Variants in RPH3A observed in about 807,000 individuals in gnomAD.
RPH3A encodes the protein rabphilin-3A.
A neutral mutation model predicts 102.2 loss-of-function variants in RPH3A; 48 were observed. The ratio of observed to expected loss-of-function variants is 0.47; its 90% CI spans 0.37 to 0.60. The LOEUF is 0.60. Ranked by LOEUF, RPH3A falls within the 20% of genes least tolerant of loss-of-function variation. The pLI, the probability that RPH3A is intolerant of heterozygous loss-of-function variation, is 0.00. For missense variants in RPH3A, 781 were observed against 910.1 expected (o/e 0.86, Z 1.83); for synonymous variants, 310 against 324.3 (o/e 0.96, Z 0.47).
chr12:112,601,644 T>C (rs560537608), intron 1 of RPH3A, among the ~76,000 whole-genome samples: 1 of 152,304 alleles, frequency 6.6e-6, no homozygotes, highest in South Asian at 2.1e-4. Flanking sequence ...AAGTAGATTA[T>C]AAATAGACTG....
chr12:112,863,172 G>A (rs1199839941), intron 5 of RPH3A, among the ~76,000 whole-genome samples: 1 of 152,204 alleles, frequency 6.6e-6, no homozygotes, highest in East Asian at 1.9e-4. Context: ...CACCACCTGG[G>A]AGCTTTCTAG....
intron 1 of RPH3A, among the ~76,000 whole-genome samples, chr12:112,771,877 A>G (rs188546487): frequency 3.7e-4 from 57 of 152,358 alleles, no homozygotes; most frequent in Middle Eastern, 3.4e-3. Flanking sequence ...CTTTATAAGA[A>G]AATACAAAGA....
intron 1 of RPH3A, among the ~76,000 whole-genome samples, chr12:112,768,919 T>A (rs2040910004): frequency 3.9e-5 from 6 of 152,038 alleles, no homozygotes; most frequent in Admixed American, 3.9e-4. Context: ...CTCAAAAAAA[T>A]GAAATAGCAT....
At chr12:112,714,221 G>T (rs1487977222) in intron 1 of RPH3A, among the ~76,000 whole-genome samples, 6 of 152,154 alleles carry the variant, frequency 3.9e-5, no homozygotes, top group Non-Finnish European at 8.8e-5. Flanking sequence ...CTTTAGGAGG[G>T]TGCCTGTATC....
At chr12:112,811,061 C>T (rs2041566759) in intron 2 of RPH3A, among the ~76,000 whole-genome samples, 1 of 152,146 alleles carries the variant, frequency 6.6e-6, no homozygotes, top group Admixed American at 6.6e-5. Context: ...TTGCCACAAA[C>T]ACTGAACTAG....
At chr12:112,592,325 A>G (rs897015678) in intron 1 of RPH3A, among the ~76,000 whole-genome samples, 1 of 152,118 alleles carries the variant, frequency 6.6e-6, no homozygotes, top group South Asian at 2.1e-4. Context: ...AATAGTTATT[A>G]TTATTATTAT....
intron 2 of RPH3A, among the ~76,000 whole-genome samples, chr12:112,792,583 G>C (rs2041143127): frequency 6.6e-6 from 1 of 152,218 alleles, no homozygotes; most frequent in Admixed American, 6.5e-5. Context: ...AGTTCTCTGA[G>C]AGAGTTAACC....
intron 1 of RPH3A, among the ~76,000 whole-genome samples, chr12:112,654,187 G>A (rs143958447): frequency 1.8e-4 from 27 of 152,216 alleles, no homozygotes; most frequent in Non-Finnish European, 3.7e-4. Flanking sequence ...GGGTTTGCTT[G>A]GTTTGTTTCC....
At chr12:112,817,558 G>A (rs896394190) in intron 2 of RPH3A, among the ~76,000 whole-genome samples, 9 of 150,952 alleles carry the variant, frequency 6.0e-5, no homozygotes, top group Non-Finnish European at 1.3e-4. Flanking sequence ...GTGTGTGTGT[G>A]TGTGCACCCC....
intron 1 of RPH3A, among the ~76,000 whole-genome samples, chr12:112,611,326 G>A (rs564909558): frequency 2.0e-5 from 3 of 152,308 alleles, no homozygotes; most frequent in Admixed American, 1.3e-4. Context: ...CCACCACCAC[G>A]ACTGATGGTG....
intron 1 of RPH3A, among the ~76,000 whole-genome samples, chr12:112,671,553 A>G (rs552830755): frequency 6.6e-6 from 1 of 152,292 alleles, no homozygotes; most frequent in African/African-American, 2.4e-5. Context: ...AGCTACAGCT[A>G]GTTCGGGTGG....
At chr12:112,606,376 T>TTTTG (rs1476102369) in intron 1 of RPH3A, among the ~76,000 whole-genome samples, 1 of 152,002 alleles carries the variant, frequency 6.6e-6, no homozygotes, top group Non-Finnish European at 1.5e-5. Flanking sequence ...AAAATAGGGT[T>TTTTG]TTTGTTTGTT....
intron 1 of RPH3A, among the ~76,000 whole-genome samples, chr12:112,624,598 T>C (rs908422789): frequency 9.4e-4 from 142 of 151,430 alleles, no homozygotes; most frequent in Middle Eastern, 3.4e-3. Flanking sequence ...CAGGACCAGA[T>C]GGATTCACAG....
At chr12:112,632,703 G>A (rs2039815329) in intron 1 of RPH3A, among the ~76,000 whole-genome samples, 1 of 152,178 alleles carries the variant, frequency 6.6e-6, no homozygotes. Flanking sequence ...GCCATGCCTG[G>A]AGACAATTTT....
At chr12:112,637,733 C>T (rs2039858317) in intron 1 of RPH3A, among the ~76,000 whole-genome samples, 1 of 152,118 alleles carries the variant, frequency 6.6e-6, no homozygotes, top group South Asian at 2.1e-4. Flanking sequence ...ATTTTCCTCT[C>T]TGCTCCACCA....
rs1400642170 is a variant in RPH3A at position 112,832,828 on chromosome 12, G to T, written c.72-3663G>T. Among the ~76,000 whole-genome samples, 6 of 152,218 alleles carry T rather than the reference G, an allele frequency of 3.9e-5. No homozygotes were observed. In the East Asian group the frequency reaches 9.6e-4, roughly 24 times the overall value. On this transcript the variant is annotated intron_variant, in intron 3 of 21. Transcript: ENST00000389385. Reference sequence around the variant, plus strand: ...ACCACACTCCAGCTTGGGTAACAGAGAGAGACCCTTTCTCTGAAATGAATA... The same window carrying T: ...ACCACACTCCAGCTTGGGTAACAGATAGAGACCCTTTCTCTGAAATGAATA...
intron 1 of RPH3A, among the ~76,000 whole-genome samples, chr12:112,681,432 TC>T (rs1161103469): frequency 1.3e-5 from 2 of 152,202 alleles, no homozygotes; most frequent in African/African-American, 4.8e-5. Context: ...TCTAATGGAT[TC>T]TTCTGTCCAC....
intron 1 of RPH3A, among the ~76,000 whole-genome samples, chr12:112,733,970 C>T (rs1209810896): frequency 6.6e-6 from 1 of 152,122 alleles, no homozygotes; most frequent in African/African-American, 2.4e-5. Flanking sequence ...TAAGTGCCAA[C>T]CACTGTACTA....
At chr12:112,660,870 C>T (rs2040044222) in intron 1 of RPH3A, among the ~76,000 whole-genome samples, 1 of 152,112 alleles carries the variant, frequency 6.6e-6, no homozygotes, top group African/African-American at 2.4e-5. Context: ...CTGATCTATG[C>T]ACAGGGTGGT....
Sources: gnomAD v4.1 joint callset for allele counts (sites outside exome capture counted in the v4.1 genomes callset) on GRCh38, gnomAD v4.1.1 for gene constraint, MANE v1.5 for transcripts, NCBI Gene and HGNC (gene_info 2026-07-23, HGNC 2026-07-21) for gene names.